The following SFSWAP variants were observed in gnomAD, a reference collection of about 807,000 sequenced individuals.
The protein encoded by SFSWAP is splicing factor, suppressor of white-apricot homolog.
Under a neutral mutation model 100.7 loss-of-function variants are expected in SFSWAP, and 17 were observed. The observed-to-expected ratio is 0.17, with a 90% CI of 0.12 to 0.25. SFSWAP has a LOEUF of 0.25. Ranked by LOEUF, SFSWAP falls within the 10% of genes least tolerant of loss-of-function variation. The probability of loss-of-function intolerance (pLI) is 1.00; values close to 1 mark genes in which losing one functional copy is unlikely to be tolerated. For missense variants in SFSWAP, 1,005 were observed against 1,262.6 expected (o/e 0.80, Z 3.09); for synonymous variants, 504 against 510.1 (o/e 0.99, Z 0.16).
At chr12:131,767,200 C>T (rs560169345) in intron 13 of SFSWAP, among the ~76,000 whole-genome samples, 2 of 152,182 alleles carry the variant, frequency 1.3e-5, no homozygotes, top group African/African-American at 2.4e-5. Context: ...GGGGATTGCT[C>T]CCATGCGTGT....
intron 15 of SFSWAP, among the ~76,000 whole-genome samples, chr12:131,792,556 G>A (rs1885342074): frequency 6.6e-6 from 1 of 151,560 alleles, no homozygotes; most frequent in Non-Finnish European, 1.5e-5. Flanking sequence ...GCCCGTGTGT[G>A]TTCACAGATC....
chr12:131,741,904 G>A (rs993261321), intron 7 of SFSWAP, among the ~76,000 whole-genome samples: 3 of 152,048 alleles, frequency 2.0e-5, no homozygotes, highest in African/African-American at 7.2e-5. Context: ...TTTCCTGGGG[G>A]CGTGTGCAGG....
chr12:131,716,638 C>T (rs1054227295), intron 3 of SFSWAP, among the ~76,000 whole-genome samples: 2 of 152,174 alleles, frequency 1.3e-5, no homozygotes, highest in African/African-American at 2.4e-5. Context: ...AAGAAAATAA[C>T]AAAGTTTTAT....
chr12:131,774,356 A>G (rs1883847985), intron 13 of SFSWAP, among the ~76,000 whole-genome samples: 1 of 152,240 alleles, frequency 6.6e-6, no homozygotes, highest in Non-Finnish European at 1.5e-5. Context: ...GTAGGAAATA[A>G]TCGTTGCTGG....
Position 131,725,572 on chromosome 12 carries a change from A to C in SFSWAP, c.774A>C (p.Lys258Asn). 1.2e-6 allele frequency: 2 copies of C among 1,614,178 alleles called. No homozygotes were observed. Among genetic ancestry groups the C allele is most frequent in the East Asian group, 2.2e-5 (1 of 44,884 alleles). ...ACCCCTACTATAAGTTCATCCAGAAAGCCATGAAAGAGGGACGCTACACTG... is the reference window on the plus strand; with the variant it reads ...ACCCCTACTATAAGTTCATCCAGAACGCCATGAAAGAGGGACGCTACACTG... The part of the protein sequence containing the change: ...YLNPYYKFIQ[K>N]AMKEGRYTVL... The change falls in exon 5 of 18, where the codon AAA becomes AAC. Residue 258 changes from lysine to asparagine, a missense_variant. By Grantham distance (94) the Lys-to-Asn change is moderately conservative (BLOSUM62 0). This residue lies in a region of SFSWAP where 54 missense variants were observed against 51.9 expected (regional missense o/e 1.04). Coordinates refer to ENST00000261674, the MANE Select transcript of SFSWAP (RefSeq NM_004592.4). This position sits in a 1 kb window ranked among gnomAD's most constrained non-coding sequence, Gnocchi z 4.3.
intron 12 of SFSWAP, among the ~76,000 whole-genome samples, chr12:131,765,837 G>A (rs957279320): frequency 1.3e-5 from 2 of 152,102 alleles, no homozygotes; most frequent in African/African-American, 2.4e-5. Context: ...ATTGCCTGGT[G>A]TGAATATTTT....
chr12:131,783,082 G>A (rs1645998117), intron 14 of SFSWAP, among the ~76,000 whole-genome samples: 1 of 151,688 alleles, frequency 6.6e-6, no homozygotes, highest in Non-Finnish European at 1.5e-5. Context: ...TCGGGAGGCT[G>A]AGGCAGGAGA....
At chr12:131,738,998 G>A (rs1002715618) in intron 7 of SFSWAP, among the ~76,000 whole-genome samples, 2 of 106,480 alleles carry the variant, frequency 1.9e-5, no homozygotes, top group Non-Finnish European at 3.8e-5. Flanking sequence ...TCCCACCTCA[G>A]CCTCCTGACC....
At chr12:131,756,406 ATC>A (rs1882162588) in intron 10 of SFSWAP, 65 bp from the exon 11 acceptor site, 3 of 1,433,956 alleles carry the variant, frequency 2.1e-6, no homozygotes, top group Non-Finnish European at 2.9e-6. Context: ...TACCGTATAC[ATC>A]TCTCTTTTTT....
chr12:131,795,192 G>A (rs1044690345), intron 15 of SFSWAP, among the ~76,000 whole-genome samples: 3 of 152,160 alleles, frequency 2.0e-5, no homozygotes, highest in Admixed American at 6.5e-5. Flanking sequence ...TCATCTGCCC[G>A]GGCCCAGCTC....
chr12:131,750,618 C>G (rs755920553), intron 7 of SFSWAP, among the ~76,000 whole-genome samples: 1 of 152,184 alleles, frequency 6.6e-6, no homozygotes, highest in Non-Finnish European at 1.5e-5. Flanking sequence ...AGTTGTGGAC[C>G]TAGGCTAGGA....
At chr12:131,715,638 C>T (rs865951187) in intron 3 of SFSWAP, among the ~76,000 whole-genome samples, 2 of 152,168 alleles carry the variant, frequency 1.3e-5, no homozygotes, top group African/African-American at 4.8e-5. Context: ...CATGGTCAGT[C>T]GTTAATTAGC....
chr12:131,723,921 A>G lies in SFSWAP; in HGVS notation c.607-1484A>G, dbSNP rs915915897. 2.6e-5 allele frequency among the ~76,000 whole-genome samples: 4 copies of G among 152,248 alleles called. No homozygotes were observed. The East Asian group carries it at 5.8e-4, about 22-fold the overall frequency. On this transcript the variant is annotated intron_variant, in intron 4 of 17. Transcript: ENST00000261674. ...GTTTTCCTTTTCTTAGGCCATTGTA[A>G]CATATGCATATTTATATGTTGACTG...
intron 3 of SFSWAP, among the ~76,000 whole-genome samples, chr12:131,716,558 A>G (rs1461623261): frequency 6.6e-6 from 1 of 152,252 alleles, no homozygotes; most frequent in Non-Finnish European, 1.5e-5. Context: ...ACAAATAAAG[A>G]GTTGAAATAC....
rs751323349 is a variant in SFSWAP at position 131,754,480 on chromosome 12, C to G, written c.1435C>G (p.Arg479Gly). ...RNGLKFETSV[R>G]AKNDQRFEFL... The stretch of plus-strand genomic sequence containing the variant: ...CGGCCTGAAGTTCGAGACCAGTGTT[C>G]GTGCCAAGAATGATCAAAGGTCAGA... The change falls in exon 9 of 18, where the codon CGT (arginine) becomes GGT (glycine). Residue 479 changes from arginine to glycine, a missense_variant. Around this residue, in one of 7 missense-constraint regions of SFSWAP, gnomAD observed 311 missense variants for 317.8 expected, o/e 0.98. Transcript: ENST00000261674. 2 of 1,598,112 alleles carry G rather than the reference C, an allele frequency of 1.3e-6. No individual in the cohort carries two copies. Among genetic ancestry groups the G allele is most frequent in the Non-Finnish European group, 1.7e-6 (2 of 1,173,630 alleles).
At chr12:131,754,270 C>G in intron 8 of SFSWAP, 98 bp from the exon 9 acceptor site, 2 of 901,424 alleles carry the variant, frequency 2.2e-6, no homozygotes, top group Non-Finnish European at 1.6e-6. Flanking sequence ...ACTCACATGT[C>G]TCTCCGGGCA....
chr12:131,722,728 G>A (rs910009545), intron 4 of SFSWAP, among the ~76,000 whole-genome samples: 3 of 149,926 alleles, frequency 2.0e-5, no homozygotes, highest in Non-Finnish European at 4.5e-5. Flanking sequence ...TGGGAGAATC[G>A]CTTGAGCCCA....
intron 9 of SFSWAP, among the ~76,000 whole-genome samples, chr12:131,754,778 C>T (rs1056074510): frequency 1.3e-5 from 2 of 151,594 alleles, no homozygotes; most frequent in South Asian, 2.1e-4. Context: ...GGACTACAGG[C>T]GCGCACCACC....
intron 7 of SFSWAP, among the ~76,000 whole-genome samples, chr12:131,728,815 T>C (rs1879236022): frequency 6.6e-6 from 1 of 151,374 alleles, no homozygotes; most frequent in Admixed American, 6.6e-5. Context: ...TCCTCCCACC[T>C]CGGTCTCTCT....
Sources: allele counts gnomAD v4.1 joint callset (sites outside exome capture counted in the v4.1 genomes callset), GRCh38; gene constraint gnomAD v4.1.1; regional missense constraint gnomAD v4.1.1; non-coding constraint Gnocchi (gnomAD v3.1); transcripts MANE v1.5; gene names NCBI Gene and HGNC (gene_info 2026-07-23, HGNC 2026-07-21).